Variants in PDE1C observed in about 807,000 individuals in gnomAD.
The protein encoded by PDE1C is dual specificity calcium/calmodulin-dependent 3',5'-cyclic nucleotide phosphodiesterase 1C.
Under a neutral mutation model 93.1 loss-of-function variants are expected in PDE1C, and 62 were observed. The observed-to-expected ratio is 0.67, with a 90% CI of 0.54 to 0.82. The LOEUF is 0.82. Ranked by LOEUF, PDE1C falls within the 40% of genes least tolerant of loss-of-function variation. PDE1C has a pLI of 0.00. For missense variants in PDE1C, 742 were observed against 884.6 expected (o/e 0.84, Z 2.04); for synonymous variants, 325 against 310.1 (o/e 1.05, Z -0.50).
intron 2 of PDE1C, among the ~76,000 whole-genome samples, chr7:31,904,748 T>C (rs1800383581): frequency 6.6e-6 from 1 of 152,108 alleles, no homozygotes; most frequent in African/African-American, 2.4e-5. Flanking sequence ...CATCCTATCC[T>C]CTATGTTTCA....
rs1563293697 is a variant in PDE1C at position 32,080,694 on chromosome 7, T to C, written c.308+89091A>G. Among the ~76,000 whole-genome samples, 4 of 152,346 alleles carry C rather than the reference T, an allele frequency of 2.6e-5. No homozygotes were observed. In the South Asian group the frequency reaches 6.2e-4, roughly 24 times the overall value. ...ATATTAACTACTCCTGACAGTGTTTTCAAAATTGTCCTTGGGGACATCTAA... is the reference window on the plus strand; with the variant it reads ...ATATTAACTACTCCTGACAGTGTTTCCAAAATTGTCCTTGGGGACATCTAA... On this transcript the variant is annotated intron_variant, in intron 3 of 18. Transcript: ENST00000396193.
the PDE1C span, among the ~76,000 whole-genome samples, chr7:31,629,516 G>A: frequency 6.6e-6 from 1 of 152,046 alleles, no homozygotes; most frequent in African/African-American, 2.4e-5. Context: ...TTACTCTAAA[G>A]GATATTTTTC....
chr7:32,148,844 T>C (rs1480042157), intron 3 of PDE1C, among the ~76,000 whole-genome samples: 2 of 152,164 alleles, frequency 1.3e-5, no homozygotes, highest in South Asian at 4.1e-4. Context: ...AGGAGGCCAC[T>C]TTGCATATAT....
the PDE1C span, chr7:31,692,265 A>C: frequency 1.1e-5 from 6 of 548,874 alleles, no homozygotes; most frequent in African/African-American, 1.1e-4. Flanking sequence ...CTAATAGCCA[A>C]GTTTAAGAAG....
intron 2 of PDE1C, among the ~76,000 whole-genome samples, chr7:32,043,842 G>A (rs1400290812): frequency 1.3e-5 from 2 of 152,186 alleles, no homozygotes; most frequent in African/African-American, 4.8e-5. Context: ...CTCTACACCG[G>A]CCAGTGTGAG....
intron 1 of PDE1C, among the ~76,000 whole-genome samples, chr7:32,318,004 A>G (rs1783210312): frequency 6.6e-6 from 1 of 152,216 alleles, no homozygotes; most frequent in Non-Finnish European, 1.5e-5. Flanking sequence ...AGAGAGGGGA[A>G]AAGGTAACCC....
chr7:32,163,641 A>C (rs1159721925), intron 3 of PDE1C, among the ~76,000 whole-genome samples: 2 of 152,178 alleles, frequency 1.3e-5, no homozygotes, highest in Non-Finnish European at 2.9e-5. Context: ...TTCCAAGTGC[A>C]AAATTATCAA....
At chr7:32,060,556 A>T (rs1192122569) in intron 1 of PDE1C, among the ~76,000 whole-genome samples, 1 of 152,236 alleles carries the variant, frequency 6.6e-6, no homozygotes, top group East Asian at 1.9e-4. Flanking sequence ...AGGGAAAAAA[A>T]GCGCCAACTA....
intron 3 of PDE1C, among the ~76,000 whole-genome samples, chr7:32,077,178 T>G (rs1252987165): frequency 1.3e-5 from 2 of 152,162 alleles, no homozygotes; most frequent in African/African-American, 4.8e-5. Context: ...AGGCAGAAGT[T>G]GCAGTGAGCC....
the PDE1C span, chr7:31,707,215 C>T: frequency 6.2e-7 from 1 of 1,613,782 alleles, no homozygotes; most frequent in Non-Finnish European, 8.5e-7. Context: ...TGTGACATTG[C>T]TCAGGGACGA....
chr7:32,183,090 T>C (rs1297333745), intron 2 of PDE1C, among the ~76,000 whole-genome samples: 4 of 152,044 alleles, frequency 2.6e-5, no homozygotes, highest in African/African-American at 9.7e-5. Flanking sequence ...ATCCAACTTA[T>C]AAGGGACATG....
intron 2 of PDE1C, among the ~76,000 whole-genome samples, chr7:32,207,623 T>G (rs1474700537): frequency 1.3e-5 from 2 of 151,968 alleles, no homozygotes; most frequent in Non-Finnish European, 2.9e-5. Context: ...TCGTTCTCCT[T>G]TTTTTTCCCT....
chr7:32,208,387 A>G (rs1805761274), intron 2 of PDE1C, among the ~76,000 whole-genome samples: 1 of 152,196 alleles, frequency 6.6e-6, no homozygotes, highest in African/African-American at 2.4e-5. Flanking sequence ...CACAATTTCA[A>G]AAGACAGCAA....
chr7:31,658,196 T>A, the PDE1C span: 1 of 1,334,812 alleles, frequency 7.5e-7, no homozygotes, highest in East Asian at 2.5e-5. Flanking sequence ...ATATTCGTTT[T>A]TTAGCCCACA....
chr7:32,118,282 T>G (rs1428082985), intron 3 of PDE1C, among the ~76,000 whole-genome samples: 1 of 152,162 alleles, frequency 6.6e-6, no homozygotes, highest in Non-Finnish European at 1.5e-5. Flanking sequence ...AGAGAAATAT[T>G]CACAATGTGA....
chr7:31,961,091 A>T (rs1808871493), intron 2 of PDE1C, among the ~76,000 whole-genome samples: 1 of 152,162 alleles, frequency 6.6e-6, no homozygotes, highest in African/African-American at 2.4e-5. Flanking sequence ...TTGCCTGGAG[A>T]AGCAATGAAT....
chr7:31,754,470 A>T (rs1794325162), intron 17 of PDE1C, among the ~76,000 whole-genome samples: 1 of 152,250 alleles, frequency 6.6e-6, no homozygotes, highest in Non-Finnish European at 1.5e-5. Context: ...AAGTGCCAAA[A>T]GCTGGAAGCA....
At chr7:32,408,741 A>AT (rs1302714450) in intron 1 of PDE1C, among the ~76,000 whole-genome samples, 2 of 152,210 alleles carry the variant, frequency 1.3e-5, no homozygotes, top group Non-Finnish European at 2.9e-5. Context: ...GTGGGCCAAG[A>AT]TTATGCTGCT....
chr7:31,888,335 G>A (rs1229407762), intron 2 of PDE1C, among the ~76,000 whole-genome samples: 2 of 148,504 alleles, frequency 1.3e-5, no homozygotes, highest in Non-Finnish European at 3.0e-5. Flanking sequence ...AGAAGAACAA[G>A]TTACTCCAAA....
Sources: allele counts gnomAD v4.1 joint callset (sites outside exome capture counted in the v4.1 genomes callset), GRCh38; gene constraint gnomAD v4.1.1; transcripts MANE v1.5; gene names NCBI Gene and HGNC (gene_info 2026-07-23, HGNC 2026-07-21).